The following PCNX1 variants were observed in gnomAD, a reference collection of about 807,000 sequenced individuals.
PCNX1 encodes pecanex 1.
In PCNX1, 78 loss-of-function variants were observed where a neutral mutation model predicts 242.2. The observed-to-expected ratio is 0.32, with a 90% CI of 0.27 to 0.39. PCNX1 has a LOEUF of 0.39. PCNX1 is among the 10% of genes least tolerant of loss of function. The pLI is 1.00. For missense variants in PCNX1, 2,581 were observed against 2,856.5 expected, an observed-to-expected ratio of 0.90 and a Z score of 2.20; for synonymous variants, 1,024 against 1,032.9, an observed-to-expected ratio of 0.99 and a Z score of 0.17.
chr14:70,917,281 G>C (rs549358541), intron 1 of PCNX1, among the ~76,000 whole-genome samples: 1 of 152,262 alleles, frequency 6.6e-6, no homozygotes, highest in East Asian at 1.9e-4. Context: ...ATGGCATCTA[G>C]AATGGTGAGA....
intron 8 of PCNX1, among the ~76,000 whole-genome samples, chr14:71,008,362 A>G (rs998943220): frequency 1.3e-5 from 2 of 152,296 alleles, no homozygotes; most frequent in East Asian, 3.9e-4. Flanking sequence ...TTGACCTTTA[A>G]GATTCCTGTT....
Position 70,907,803 on chromosome 14 carries a change from C to G in PCNX1, c.-48C>G. 8.2e-7 allele frequency: 1 copy of G among 1,220,544 alleles called. No homozygotes were observed. The highest frequency in any genetic ancestry group is 1.0e-6 in the Non-Finnish European group (1 of 979,872). 75.6% of individuals were successfully genotyped at this position (1,220,544 alleles called of 1,614,324 possible). A position where few individuals can be genotyped will look rare whatever the true frequency, so the allele number is the denominator to read the frequency against. On this transcript the variant is annotated 5_prime_UTR_variant, in exon 1 of 36. Transcript: ENST00000304743. ...GACCGAGGCCGAGCTGGGGCCGGGG[C>G]GGGGACGGCGGCGGCGGCGGCGGCG...
At chr14:70,992,427 A>T (rs1450008567) in intron 7 of PCNX1, among the ~76,000 whole-genome samples, 2 of 151,884 alleles carry the variant, frequency 1.3e-5, no homozygotes, top group African/African-American at 4.8e-5. Context: ...TCCACCAACT[A>T]TTTTTTTTGG....
At chr14:70,928,140 A>G (rs954120180) in intron 1 of PCNX1, among the ~76,000 whole-genome samples, 3 of 152,156 alleles carry the variant, frequency 2.0e-5, no homozygotes, top group East Asian at 1.9e-4. Context: ...CTTGCTTATT[A>G]TACTACGTCT....
chr14:70,991,201 AC>A (rs2059153919), intron 7 of PCNX1, among the ~76,000 whole-genome samples: 1 of 125,056 alleles, frequency 8.0e-6, no homozygotes, highest in Non-Finnish European at 1.7e-5. Context: ...GTTGTGTACT[AC>A]CTTTTTTTTT....
At chr14:71,068,644 ATT>A (rs1555373251) in intron 26 of PCNX1, among the ~76,000 whole-genome samples, 17 of 140,084 alleles carry the variant, frequency 1.2e-4, no homozygotes, top group South Asian at 4.6e-4. Flanking sequence ...ATATACATAT[ATT>A]GTTGCATGTA....
At chr14:70,954,147 A>G (rs141698196) in intron 2 of PCNX1, among the ~76,000 whole-genome samples, 3 of 152,224 alleles carry the variant, frequency 2.0e-5, no homozygotes, top group African/African-American at 7.2e-5. Flanking sequence ...TGATTTACCC[A>G]GTATTTGTTA....
chr14:71,043,047 T>A (rs2060754639), intron 19 of PCNX1, among the ~76,000 whole-genome samples: 1 of 152,176 alleles, frequency 6.6e-6, no homozygotes, highest in South Asian at 2.1e-4. Context: ...CCTTCATTTT[T>A]GAAGGATAAA....
chr14:71,109,887 T>C lies in PCNX1; in HGVS notation c.6978T>C (p.Tyr2326=). The C allele has an allele frequency of 6.2e-7, 1 of 1,613,104 alleles. No individual in the cohort carries two copies. The highest frequency in any genetic ancestry group is 1.1e-5 in the South Asian group (1 of 91,048). The change falls in exon 36 of 36, where the codon TAT becomes TAC. Residue 2326 remains tyrosine, a synonymous_variant. Coordinates refer to ENST00000304743, the MANE Select transcript of PCNX1 (RefSeq NM_014982.3). The stretch of plus-strand genomic sequence containing the variant: ...TTCTGGTCCAGATTGATGATAAATA[T>C]GTGACTGTAATTGAAACTGGGGTAC... ...AVLLVQIDDK[Y]VTVIETGVLE...
At chr14:70,959,865 A>G (rs1269656324) in intron 2 of PCNX1, among the ~76,000 whole-genome samples, 2 of 140,596 alleles carry the variant, frequency 1.4e-5, no homozygotes, top group Admixed American at 7.1e-5. Flanking sequence ...AAGTGTTCCT[A>G]TTTCTCCACA....
Position 71,070,011 on chromosome 14 carries a change from A to T in PCNX1, c.4853-3534A>T, listed in dbSNP as rs138266717. Among the ~76,000 whole-genome samples, 212 of 152,304 alleles carry T rather than the reference A, an allele frequency of 1.4e-3. 1 individual carries two copies. The highest frequency in any genetic ancestry group is 4.9e-3 in the African/African-American group (205 of 41,556). On this transcript the variant is annotated intron_variant, in intron 26 of 35. Transcript: ENST00000304743. ...CAAACTTTTTGCTATTGCTTTATTCATCAAGTTTATGTAGTATTATAAATC... is the reference window on the plus strand; with the variant it reads ...CAAACTTTTTGCTATTGCTTTATTCTTCAAGTTTATGTAGTATTATAAATC...
At chr14:70,993,751 C>T (rs935803799) in intron 7 of PCNX1, among the ~76,000 whole-genome samples, 5 of 152,082 alleles carry the variant, frequency 3.3e-5, no homozygotes, top group African/African-American at 4.8e-5. Context: ...TCTTCTGAAT[C>T]GGAAGGGACA....
In PCNX1 at chr14:70,962,376, A is replaced by T. The variant is rs114186501; in HGVS notation, c.468+45A>T. On this transcript the variant is annotated intron_variant, in intron 3 of 35. Coordinates refer to ENST00000304743, the MANE Select transcript of PCNX1 (RefSeq NM_014982.3). ...TATTTTGCCTTTTTCCCTCCTCCTG[A>T]TGGTGGTCTCCGTTATTCTCGTGTC... 1,544 of 991,528 alleles carry T rather than the reference A, an allele frequency of 1.6e-3. 19 individuals carry two copies. The African/African-American group carries it at 0.022, about 14-fold the overall frequency. 61.4% of individuals were successfully genotyped at this position (991,528 alleles called of 1,614,324 possible).
chr14:71,103,246 TA>T (rs2062511321), intron 31 of PCNX1, 148 bp from the exon 32 acceptor site: 2 of 814,408 alleles, frequency 2.5e-6, no homozygotes. Context: ...GGCTACCTCC[TA>T]TTTAAATGTG....
In PCNX1 at chr14:70,913,716, T is replaced by C. The variant is rs74061477; in HGVS notation, c.153+5713T>C. Among the ~76,000 whole-genome samples, 1,318 of 152,318 alleles carry C rather than the reference T, an allele frequency of 8.7e-3. 26 individuals are homozygous for C. Among genetic ancestry groups the C allele is most frequent in the African/African-American group, 0.03 (1,243 of 41,564 alleles). On this transcript the variant is annotated intron_variant, in intron 1 of 35. Transcript: ENST00000304743. ...TTTTCTTTCCCCCAATTTAAAAGTA[T>C]TTAAAGATCATTTTAAACAAGATTT...
intron 26 of PCNX1, among the ~76,000 whole-genome samples, chr14:71,058,387 A>G (rs1471086813): frequency 6.6e-6 from 1 of 152,240 alleles, no homozygotes; most frequent in Non-Finnish European, 1.5e-5. Flanking sequence ...TCACGCATTC[A>G]GAAACATCAA....
intron 2 of PCNX1, among the ~76,000 whole-genome samples, chr14:70,952,010 A>G (rs1364496482): frequency 2.0e-5 from 3 of 152,190 alleles, no homozygotes; most frequent in African/African-American, 7.2e-5. Context: ...CTTCACACTC[A>G]GTCAGTCAAG....
rs1039454776 is a variant in PCNX1 at position 71,011,743 on chromosome 14, A to G, written c.2778+194A>G. 3.4e-5 allele frequency: 19 copies of G among 558,646 alleles called. No homozygotes were observed. In the Admixed American group the frequency reaches 4.4e-4, roughly 13 times the overall value. The allele number at this position is 558,646 out of a possible 1,614,324, so 34.6% of individuals were successfully genotyped here. A position where few individuals can be genotyped will look rare whatever the true frequency, so the allele number is the denominator to read the frequency against. ...GTCCTTTGATAAGAAACAAAAGTAC[A>G]AGGTTAAGAAACCCTGGCATAGAGT... On this transcript the variant is annotated intron_variant, in intron 10 of 35. Coordinates refer to ENST00000304743, the MANE Select transcript of PCNX1 (RefSeq NM_014982.3).
intron 2 of PCNX1, among the ~76,000 whole-genome samples, chr14:70,949,170 GCT>G: frequency 1.5e-5 from 2 of 137,234 alleles, no homozygotes; most frequent in Admixed American, 7.2e-5. Flanking sequence ...ACTTATAAAT[GCT>G]TATACATCTC....
Sources: gnomAD v4.1 joint callset for allele counts (sites outside exome capture counted in the v4.1 genomes callset) on GRCh38, gnomAD v4.1.1 for gene constraint, MANE v1.5 for transcripts, NCBI Gene and HGNC (gene_info 2026-07-23, HGNC 2026-07-21) for gene names.